The following CRB1 variants were observed in gnomAD, a reference collection of about 807,000 sequenced individuals.
CRB1 encodes the protein protein crumbs homolog 1.
Under a neutral mutation model 120.0 loss-of-function variants are expected in CRB1, and 83 were observed. The ratio of observed to expected loss-of-function variants is 0.69; its 90% confidence interval spans 0.58 to 0.83. The LOEUF (loss-of-function observed/expected upper bound fraction) is 0.83. CRB1 is among the 40% of genes least tolerant of loss of function. The probability of loss-of-function intolerance (pLI) is 0.00; values close to 1 mark genes in which losing one functional copy is unlikely to be tolerated. For synonymous variants in CRB1, 625 were observed against 612.5 expected, an observed-to-expected ratio of 1.02 and a Z score of -0.30; for missense variants, 1,699 against 1,687.6, an observed-to-expected ratio of 1.01 and a Z score of -0.12.
At position 197,421,569 on chromosome 1, in the gene CRB1, A is replaced by T; in HGVS notation, c.1741A>T (p.Thr581Ser). Residue 581 changes from threonine (T) to serine (S), a missense_variant, in exon 6 of 12, where the codon ACC (threonine) becomes TCC (serine). Physicochemically the swap from Thr to Ser is moderately conservative, Grantham distance 58. Coordinates refer to ENST00000367400, the MANE Select transcript of CRB1 (RefSeq NM_201253.3). ...AATATTTGCAGAGGCTGTGACCCTT[A>T]CCTTAATCGACGACTCCTGTAAGGA... ...EVIFAEAVTLTLIDDSCKEKC... is the reference protein window; with the variant it reads ...EVIFAEAVTLSLIDDSCKEKC... The T allele has an allele frequency of 6.2e-7, 1 of 1,614,180 alleles. No homozygotes were observed. The highest frequency in any genetic ancestry group is 8.5e-7 in the Non-Finnish European group (1 of 1,180,040).
At chr1:197,319,756 G>A (rs1189339969) in intron 1 of CRB1, among the ~76,000 whole-genome samples, 1 of 151,900 alleles carries the variant, frequency 6.6e-6, no homozygotes, top group Non-Finnish European at 1.5e-5. Context: ...AACTGTCTTG[G>A]GCAGAGGGAG....
the CRB1 span, among the ~76,000 whole-genome samples, chr1:197,245,599 C>A: frequency 6.6e-6 from 1 of 152,068 alleles, no homozygotes; most frequent in Non-Finnish European, 1.5e-5. Context: ...TACTGATTGT[C>A]TTTTCTTTTT....
At chr1:197,340,101 T>A (rs944029157) in intron 2 of CRB1, among the ~76,000 whole-genome samples, 2 of 152,004 alleles carry the variant, frequency 1.3e-5, no homozygotes, top group Non-Finnish European at 1.5e-5. Context: ...AATAAGCAAT[T>A]GAGGACAATA....
chr1:197,346,230 C>T (rs1031480223), intron 3 of CRB1, among the ~76,000 whole-genome samples: 2 of 151,446 alleles, frequency 1.3e-5, no homozygotes, highest in Non-Finnish European at 2.9e-5. Context: ...TATAACCTGA[C>T]TTTATGTTCC....
In CRB1 at chr1:197,359,173, T is replaced by C. The variant is rs1408815361; in HGVS notation, c.1171+2160T>C. On this transcript the variant is annotated intron_variant, in intron 5 of 11. Transcript: ENST00000367400. The stretch of plus-strand genomic sequence containing the variant: ...CAGCTATCAGACTTGCATATTGACA[T>C]TGACAAAGTCCACATCCAGAACAAT... Among the ~76,000 whole-genome samples, 6 of 152,174 alleles carry C rather than the reference T, an allele frequency of 3.9e-5. No homozygotes were observed. In the East Asian group the frequency reaches 1.2e-3, roughly 29 times the overall value.
chr1:197,263,158 T>C, the CRB1 span, among the ~76,000 whole-genome samples: 1 of 152,150 alleles, frequency 6.6e-6, no homozygotes. Flanking sequence ...AGTGTGTAAG[T>C]GTTCCCTTTA....
At chr1:197,294,950 A>G (rs541922475) in intron 1 of CRB1, among the ~76,000 whole-genome samples, 1 of 152,248 alleles carries the variant, frequency 6.6e-6, no homozygotes, top group African/African-American at 2.4e-5. Flanking sequence ...AGATATACCT[A>G]ATGTAAATGA....
the CRB1 span, among the ~76,000 whole-genome samples, chr1:197,251,096 AAC>A: frequency 2.0e-5 from 3 of 151,966 alleles, no homozygotes; most frequent in Non-Finnish European, 4.4e-5. Context: ...GAGATAATAA[AAC>A]ACAGTGGCTA....
intron 11 of CRB1, among the ~76,000 whole-genome samples, chr1:197,470,625 G>A (rs1364791142): frequency 6.6e-6 from 1 of 152,242 alleles, no homozygotes; most frequent in African/African-American, 2.4e-5. Context: ...CCTGCTTATG[G>A]AGAGAAAAAT....
intron 1 of CRB1, among the ~76,000 whole-genome samples, chr1:197,311,847 C>G (rs1657548444): frequency 6.6e-6 from 1 of 151,830 alleles, no homozygotes; most frequent in Non-Finnish European, 1.5e-5. Context: ...ATTACCAGTG[C>G]TTATCTGTTT....
At chr1:197,316,954 T>G (rs971664655) in intron 1 of CRB1, among the ~76,000 whole-genome samples, 10 of 148,028 alleles carry the variant, frequency 6.8e-5, no homozygotes, top group Admixed American at 5.4e-4. Flanking sequence ...TAGTAATAAA[T>G]TTAACCAAGG....
chr1:197,292,774 G>A (rs1482665324), intron 1 of CRB1, among the ~76,000 whole-genome samples: 3 of 151,906 alleles, frequency 2.0e-5, no homozygotes, highest in African/African-American at 7.3e-5. Context: ...ATCAATAAAT[G>A]TAATCCAGCA....
intron 5 of CRB1, among the ~76,000 whole-genome samples, chr1:197,369,567 C>T (rs1661262522): frequency 6.6e-6 from 1 of 152,130 alleles, no homozygotes. Context: ...ACTTAGGAAA[C>T]AATTAATTTC....
At chr1:197,433,662 A>G (rs1664985505) in intron 8 of CRB1, among the ~76,000 whole-genome samples, 1 of 152,192 alleles carries the variant, frequency 6.6e-6, no homozygotes, top group South Asian at 2.1e-4. Flanking sequence ...TTATTTTTTA[A>G]GATTAAAGCA....
At chr1:197,317,243 C>A (rs907195829) in intron 1 of CRB1, among the ~76,000 whole-genome samples, 13 of 152,062 alleles carry the variant, frequency 8.5e-5, no homozygotes, top group African/African-American at 3.1e-4. Flanking sequence ...CATGGTGAAA[C>A]CCCATCTCTA....
At chr1:197,442,563 C>T in intron 11 of CRB1, 1 of 1,415,470 alleles carries the variant, frequency 7.1e-7, no homozygotes, top group Non-Finnish European at 9.2e-7. Flanking sequence ...TTAAACATAT[C>T]AGAAGCACTT....
chr1:197,380,283 T>C (rs1661883423), intron 5 of CRB1, among the ~76,000 whole-genome samples: 1 of 152,090 alleles, frequency 6.6e-6, no homozygotes, highest in African/African-American at 2.4e-5. Context: ...TTTGAGTGAG[T>C]TTTAGCATCA....
At chr1:197,304,625 G>A (rs1317137208) in intron 1 of CRB1, among the ~76,000 whole-genome samples, 1 of 152,106 alleles carries the variant, frequency 6.6e-6, no homozygotes, top group Non-Finnish European at 1.5e-5. Flanking sequence ...CTTGCAGTAG[G>A]GTTCTACACA....
rs150587555 is a variant in CRB1, at chr1:197,425,709, C to T, written c.2129-1745C>T. ...CTCACTAGGCTTATGGGACACCACACTCCCTTGGTTCTCCTCTTATCTTAC... is the reference window on the plus strand; with the variant it reads ...CTCACTAGGCTTATGGGACACCACATTCCCTTGGTTCTCCTCTTATCTTAC... On this transcript the variant is annotated intron_variant, in intron 6 of 11. Transcript: ENST00000367400. Among the ~76,000 whole-genome samples, 8 of 152,262 alleles carry T rather than the reference C, an allele frequency of 5.3e-5. No individual in the cohort carries two copies. In the East Asian group the frequency reaches 1.4e-3, roughly 26 times the overall value.
Sources: allele counts gnomAD v4.1 joint callset (sites outside exome capture counted in the v4.1 genomes callset), GRCh38; gene constraint gnomAD v4.1.1; transcripts MANE v1.5; gene names NCBI Gene and HGNC (gene_info 2026-07-23, HGNC 2026-07-21).